The following STARD13 variants were observed in gnomAD, a reference collection of about 807,000 sequenced individuals.
STARD13 encodes stAR-related lipid transfer protein 13.
A neutral mutation model predicts 106.4 loss-of-function variants in STARD13; 62 were observed. That is an observed-to-expected ratio of 0.58 (90% confidence interval 0.48 to 0.72). The LOEUF (loss-of-function observed/expected upper bound fraction) is 0.72. Among genes scored for constraint, STARD13 ranks in the 30% least tolerant of loss-of-function variants. The pLI, the probability that STARD13 is intolerant of heterozygous loss-of-function variation, is 0.00. For synonymous variants in STARD13, 565 were observed against 553.0 expected (o/e 1.02, Z -0.31); for missense variants, 1,387 against 1,424.0 (o/e 0.97, Z 0.42).
chr13:33,219,663 G>A (rs918258186), intron 1 of STARD13, among the ~76,000 whole-genome samples: 8 of 151,254 alleles, frequency 5.3e-5, no homozygotes, highest in African/African-American at 1.7e-4. Flanking sequence ...AAGACCCCTG[G>A]GCACGGTGGT....
the STARD13 span, among the ~76,000 whole-genome samples, chr13:33,571,611 T>C: frequency 1.3e-5 from 2 of 152,166 alleles, no homozygotes; most frequent in African/African-American, 4.8e-5. Context: ...TTATTCTATA[T>C]CCTATATTCA....
At chr13:33,339,384 T>G (rs1245028880) in intron 1 of STARD13, among the ~76,000 whole-genome samples, 1 of 152,232 alleles carries the variant, frequency 6.6e-6, no homozygotes, top group Non-Finnish European at 1.5e-5. Context: ...TTAAAGGACA[T>G]GCATTTAAGA....
At chr13:33,632,976 C>G in the STARD13 span, among the ~76,000 whole-genome samples, 6 of 152,176 alleles carry the variant, frequency 3.9e-5, no homozygotes, top group Non-Finnish European at 7.3e-5. Flanking sequence ...GCTGTCACTT[C>G]AAAAGGGCAC....
At chr13:33,132,773 T>C (rs994892782) in intron 4 of STARD13, among the ~76,000 whole-genome samples, 1 of 152,198 alleles carries the variant, frequency 6.6e-6, no homozygotes, top group Non-Finnish European at 1.5e-5. Context: ...AAAAGTTGTA[T>C]AAAGCTCTGA....
intron 1 of STARD13, among the ~76,000 whole-genome samples, chr13:33,270,093 G>A (rs1298305139): frequency 6.6e-6 from 1 of 152,060 alleles, no homozygotes; most frequent in African/African-American, 2.4e-5. Context: ...AAAATTAGCT[G>A]GGCATGGTGG....
the STARD13 span, among the ~76,000 whole-genome samples, chr13:33,458,925 A>C: frequency 2.0e-5 from 3 of 150,208 alleles, no homozygotes; most frequent in Non-Finnish European, 4.4e-5. Flanking sequence ...GGTTCAAGTA[A>C]TTCTCCTGCC....
At chr13:33,663,416 G>A in the STARD13 span, among the ~76,000 whole-genome samples, 1 of 151,996 alleles carries the variant, frequency 6.6e-6, no homozygotes, top group South Asian at 2.1e-4. Context: ...TAGCTGCTAG[G>A]GTATAGTTTA....
the STARD13 span, among the ~76,000 whole-genome samples, chr13:33,549,255 A>G: frequency 6.6e-6 from 1 of 152,220 alleles, no homozygotes; most frequent in African/African-American, 2.4e-5. Context: ...TGTTTTCAAA[A>G]TATTAAGTGT....
chr13:33,319,744 A>G (rs563967241), intron 1 of STARD13, among the ~76,000 whole-genome samples: 2 of 152,222 alleles, frequency 1.3e-5, no homozygotes, highest in South Asian at 4.2e-4. Context: ...AAGGGGTTGG[A>G]CTCATAGATT....
chr13:33,117,801 A>G, intron 8 of STARD13: 1 of 979,460 alleles, frequency 1.0e-6, no homozygotes, highest in Non-Finnish European at 1.2e-6. Context: ...ATGTATTGAA[A>G]GTTTGTTTTA....
At chr13:33,467,961 A>G in the STARD13 span, among the ~76,000 whole-genome samples, 1 of 152,176 alleles carries the variant, frequency 6.6e-6, no homozygotes. Flanking sequence ...TACTTAAGCA[A>G]ACCTCATGGC....
At chr13:33,595,982 GTATT>G in the STARD13 span, among the ~76,000 whole-genome samples, 2 of 152,086 alleles carry the variant, frequency 1.3e-5, no homozygotes, top group African/African-American at 4.8e-5. Flanking sequence ...TGGATCTTGA[GTATT>G]TGTAGCCTCA....
At chr13:33,381,282 T>A in the STARD13 span, among the ~76,000 whole-genome samples, 2 of 152,162 alleles carry the variant, frequency 1.3e-5, no homozygotes, top group Non-Finnish European at 2.9e-5. Context: ...ACCATTGAAT[T>A]TTTTTGCTCC....
intron 1 of STARD13, among the ~76,000 whole-genome samples, chr13:33,300,526 A>G (rs967691682): frequency 6.6e-6 from 1 of 152,226 alleles, no homozygotes; most frequent in Non-Finnish European, 1.5e-5. Flanking sequence ...AGAGTATTTT[A>G]TGACTGCAGG....
the STARD13 span, among the ~76,000 whole-genome samples, chr13:33,580,310 A>G: frequency 2.0e-5 from 3 of 152,138 alleles, no homozygotes; most frequent in Non-Finnish European, 4.4e-5. Flanking sequence ...GCTACACACC[A>G]TATGATTCCA....
At chr13:33,407,589 G>T in the STARD13 span, among the ~76,000 whole-genome samples, 11 of 152,278 alleles carry the variant, frequency 7.2e-5, no homozygotes, top group Admixed American at 2.6e-4. Context: ...GAAATTATGG[G>T]TTTTTTTGTC....
the STARD13 span, among the ~76,000 whole-genome samples, chr13:33,601,889 A>G: frequency 1.3e-5 from 2 of 152,236 alleles, no homozygotes; most frequent in South Asian, 4.1e-4. Context: ...GGATGCTGCG[A>G]TCTCTAGTTA....
chr13:33,512,631 C>T, the STARD13 span, among the ~76,000 whole-genome samples: 1 of 151,988 alleles, frequency 6.6e-6, no homozygotes, highest in South Asian at 2.1e-4. Flanking sequence ...TCACGCCTGG[C>T]TAATTTTTTG....
chr13:33,466,818 T>C, the STARD13 span, among the ~76,000 whole-genome samples: 1 of 152,206 alleles, frequency 6.6e-6, no homozygotes, highest in Admixed American at 6.5e-5. Context: ...AAAAGCAACA[T>C]GAATACAAAG....
Sources: allele counts gnomAD v4.1 joint callset (sites outside exome capture counted in the v4.1 genomes callset), GRCh38; gene constraint gnomAD v4.1.1; transcripts MANE v1.5; gene names NCBI Gene and HGNC (gene_info 2026-07-23, HGNC 2026-07-21).